The following ZNRF1 variants were observed in gnomAD, a reference collection of about 807,000 sequenced individuals.
ZNRF1 encodes the protein E3 ubiquitin-protein ligase ZNRF1.
In ZNRF1, 3 loss-of-function variants were observed where a neutral mutation model predicts 18.4. The ratio of observed to expected loss-of-function variants is 0.16; its 90% CI spans 0.07 to 0.42. The LOEUF is 0.42. ZNRF1 is among the 10% of genes least tolerant of loss of function. The pLI is 0.99. For missense variants in ZNRF1, 310 were observed against 329.8 expected (o/e 0.94, Z 0.47); for synonymous variants, 157 against 144.2 (o/e 1.09, Z -0.64).
chr16:75,015,916 C>T (rs974625893), intron 1 of ZNRF1, among the ~76,000 whole-genome samples: 1 of 143,782 alleles, frequency 7.0e-6, no homozygotes. Flanking sequence ...ATACGCTTTT[C>T]TTTTCTTTTT....
rs551505493 is a variant in ZNRF1 at position 75,042,294 on chromosome 16, A to G, written c.424+42199A>G. Among the ~76,000 whole-genome samples the G allele has an allele frequency of 3.9e-4, 60 of 152,196 alleles. No homozygotes were observed. The South Asian group carries it at 0.011, about 28-fold the overall frequency. On this transcript the variant is annotated intron_variant, in intron 1 of 4. Coordinates refer to ENST00000335325, the MANE Select transcript of ZNRF1 (RefSeq NM_032268.5). ...TGCTTTTATGAATGATGCTTTTGGTATATGTAAAAAAAAGTGTCTAGACCA... is the reference window on the plus strand; with the variant it reads ...TGCTTTTATGAATGATGCTTTTGGTGTATGTAAAAAAAAGTGTCTAGACCA...
chr16:75,027,550 A>C (rs1398736173), intron 1 of ZNRF1, among the ~76,000 whole-genome samples: 1 of 152,066 alleles, frequency 6.6e-6, no homozygotes, highest in Non-Finnish European at 1.5e-5. Flanking sequence ...CAGCCCATTG[A>C]ACCTATTTTC....
rs1437756654 is a variant in ZNRF1 at position 75,110,777 on chromosome 16, A to AG, written c.*3080dup. 1 of 152,138 alleles carries AG rather than the reference A, an allele frequency of 6.6e-6. No individual in the cohort carries two copies. The highest frequency in any genetic ancestry group is 1.5e-5 in the Non-Finnish European group (1 of 68,054). The allele number at this position is 152,138 out of a possible 1,614,324, so 9.4% of individuals were successfully genotyped here. Reference sequence around the variant, plus strand: ...GCATCAAAGAAGAGTCCTACCCAGGAGGGAGAGCGCAGCTGCTGCAGGATT... The same window carrying AG: ...GCATCAAAGAAGAGTCCTACCCAGGAGGGGAGAGCGCAGCTGCTGCAGGATT... On this transcript the variant is annotated 3_prime_UTR_variant, in exon 5 of 5. Transcript: ENST00000335325.
At chr16:75,016,726 G>A (rs111540293) in intron 1 of ZNRF1, among the ~76,000 whole-genome samples, 8,635 of 126,098 alleles carry the variant, frequency 0.068, 337 homozygotes, top group East Asian at 0.18. Flanking sequence ...TTTTGTATGA[G>A]TAGAGATGGG....
At chr16:75,063,091 T>G (rs1475199510) in intron 1 of ZNRF1, among the ~76,000 whole-genome samples, 1 of 152,200 alleles carries the variant, frequency 6.6e-6, no homozygotes, top group Non-Finnish European at 1.5e-5. Flanking sequence ...AAGCCTCACT[T>G]TACGAGTGAA....
intron 1 of ZNRF1, among the ~76,000 whole-genome samples, chr16:75,079,585 A>G (rs1166304486): frequency 1.3e-5 from 2 of 152,140 alleles, no homozygotes; most frequent in Non-Finnish European, 2.9e-5. Flanking sequence ...TGGGTGAGAG[A>G]AAAGCAAGGA....
intron 4 of ZNRF1, chr16:75,107,388 T>TTC (rs928111267): frequency 9.5e-6 from 2 of 209,918 alleles, no homozygotes; most frequent in South Asian, 1.1e-4. Context: ...CCCCCTCCCT[T>TTC]TCTCTCTCTC....
chr16:75,090,461 T>C (rs1369807622), intron 1 of ZNRF1, among the ~76,000 whole-genome samples: 1 of 152,072 alleles, frequency 6.6e-6, no homozygotes, highest in African/African-American at 2.4e-5. Context: ...CAAGTGATCC[T>C]CCCACCGTGG....
chr16:75,022,726 A>G (rs1007864221), intron 1 of ZNRF1, among the ~76,000 whole-genome samples: 1 of 152,224 alleles, frequency 6.6e-6, no homozygotes, highest in Non-Finnish European at 1.5e-5. Context: ...TGTCATTGGA[A>G]CATTTCCATC....
intron 2 of ZNRF1, among the ~76,000 whole-genome samples, chr16:75,101,177 A>G (rs1285796668): frequency 6.6e-6 from 1 of 152,174 alleles, no homozygotes; most frequent in Non-Finnish European, 1.5e-5. Context: ...CAGGTGATCC[A>G]TCTGCCTCAG....
rs1294083254 is a variant in ZNRF1, at chr16:75,023,625, A to G, written c.424+23530A>G. On this transcript the variant is annotated intron_variant, in intron 1 of 4. Coordinates refer to ENST00000335325, the MANE Select transcript of ZNRF1 (RefSeq NM_032268.5). ...CTTGAACCCGGGAGGTGGAGGTTGC[A>G]GTGACCTGAGATCACGCCACTTCAC... Among the ~76,000 whole-genome samples the G allele has an allele frequency of 4.6e-5, 7 of 152,016 alleles. No homozygotes were observed. The East Asian group carries it at 1.4e-3, about 30-fold the overall frequency.
rs868746207 is a variant in ZNRF1, at chr16:75,104,577, T to G, written c.521-207T>G. ...TGTTGAGATTAATCCCATTTTGTCT[T>G]TGGGTAATTAACATGTGATGTCCAC... On this transcript the variant is annotated intron_variant, in intron 2 of 4. Coordinates refer to ENST00000335325, the MANE Select transcript of ZNRF1 (RefSeq NM_032268.5). The G allele has an allele frequency of 1.8e-5, 8 of 449,330 alleles. No individual in the cohort carries two copies. In the East Asian group the frequency reaches 3.2e-4, roughly 18 times the overall value. 27.8% of individuals were successfully genotyped at this position (449,330 alleles called of 1,614,324 possible). A position where few individuals can be genotyped will look rare whatever the true frequency, so the allele number is the denominator to read the frequency against.
intron 1 of ZNRF1, among the ~76,000 whole-genome samples, chr16:75,008,693 A>T (rs1261462585): frequency 6.6e-6 from 1 of 152,164 alleles, no homozygotes; most frequent in African/African-American, 2.4e-5. Flanking sequence ...ATATATATTT[A>T]TTATAGAGCA....
At chr16:75,103,472 A>G (rs1400647665) in intron 2 of ZNRF1, among the ~76,000 whole-genome samples, 1 of 151,914 alleles carries the variant, frequency 6.6e-6, no homozygotes, top group Non-Finnish European at 1.5e-5. Flanking sequence ...TCAAACTCAT[A>G]GAAGCAGAGA....
chr16:75,000,407 C>A (rs755174099), intron 1 of ZNRF1: 1 of 554,268 alleles, frequency 1.8e-6, no homozygotes, highest in South Asian at 1.6e-5. Context: ...TGGCTGAGAG[C>A]AAGTCAGCCT....
At chr16:75,067,694 G>GA (rs1396451420) in intron 1 of ZNRF1, among the ~76,000 whole-genome samples, 1 of 152,180 alleles carries the variant, frequency 6.6e-6, no homozygotes, top group African/African-American at 2.4e-5. Context: ...GGGGCACCAT[G>GA]AATCAATGGG....
chr16:75,081,366 G>C (rs2036010261), intron 1 of ZNRF1, among the ~76,000 whole-genome samples: 1 of 152,224 alleles, frequency 6.6e-6, no homozygotes. Flanking sequence ...TGGAGGAAGT[G>C]ACACTTTCTT....
At chr16:75,058,198 C>G (rs970132588) in intron 1 of ZNRF1, among the ~76,000 whole-genome samples, 1 of 151,286 alleles carries the variant, frequency 6.6e-6, no homozygotes, top group Admixed American at 6.6e-5. Flanking sequence ...ATCTCGAACT[C>G]CTGGTCCCAT....
intron 1 of ZNRF1, among the ~76,000 whole-genome samples, chr16:75,058,420 A>C (rs1161121629): frequency 6.6e-6 from 1 of 152,212 alleles, no homozygotes; most frequent in African/African-American, 2.4e-5. Flanking sequence ...AATAAATGTT[A>C]GACCCAAGGA....
Sources: gnomAD v4.1 joint callset for allele counts (sites outside exome capture counted in the v4.1 genomes callset) on GRCh38, gnomAD v4.1.1 for gene constraint, MANE v1.5 for transcripts, NCBI Gene and HGNC (gene_info 2026-07-23, HGNC 2026-07-21) for gene names.